RSRC1: variants seen among roughly 807,000 people sequenced by gnomAD.
RSRC1 encodes serine/Arginine-related protein 53.
In RSRC1, 39 loss-of-function variants were observed where a neutral mutation model predicts 49.1. The observed-to-expected ratio is 0.79, with a 90% CI of 0.61 to 1.04. The LOEUF (loss-of-function observed/expected upper bound fraction) is 1.04. RSRC1 is among the 50% of genes least tolerant of loss of function. The probability of loss-of-function intolerance (pLI) is 0.00; values close to 1 mark genes in which losing one functional copy is unlikely to be tolerated. For missense variants in RSRC1, 388 were observed against 402.4 expected (o/e 0.96, Z 0.31); for synonymous variants, 143 against 130.8 (o/e 1.09, Z -0.63).
chr3:158,193,412 T>G (rs1009070144), intron 3 of RSRC1, among the ~76,000 whole-genome samples: 15 of 152,118 alleles, frequency 9.9e-5, no homozygotes, highest in South Asian at 6.2e-4. Flanking sequence ...GAGCTTTTAT[T>G]AGAGATTTAG....
At chr3:158,353,995 C>CTTTTTTTTTTT (rs1230649090) in intron 5 of RSRC1, among the ~76,000 whole-genome samples, 27 of 96,302 alleles carry the variant, frequency 2.8e-4, no homozygotes, top group African/African-American at 5.4e-4. Context: ...GTTTCTTTTT[C>CTTTTTTTTTTT]TTTTTTTTTT....
In RSRC1 at chr3:158,274,675, A is replaced by G. The variant is rs1415908820; in HGVS notation, c.495-23364A>G. Among the ~76,000 whole-genome samples, 4 of 152,196 alleles carry G rather than the reference A, an allele frequency of 2.6e-5. No individual in the cohort carries two copies. In the East Asian group the frequency reaches 7.7e-4, roughly 29 times the overall value. On this transcript the variant is annotated intron_variant, in intron 4 of 9. Coordinates refer to ENST00000611884, the MANE Select transcript of RSRC1 (RefSeq NM_001271838.2). ...CTTTACACTCAAACTCAACCTGGAA[A>G]ACAGTAGCCTAGTCTCCTGGAAGCC... is the stretch of plus-strand genomic sequence containing the variant.
chr3:158,543,189 C>G, intron 8 of RSRC1, 146 bp from the exon 9 acceptor site: 2 of 494,222 alleles, frequency 4.0e-6, no homozygotes, highest in Non-Finnish European at 6.7e-6. Context: ...CTAAAACAAA[C>G]AAATACAAAA....
At chr3:158,361,944 A>G (rs1448925240) in intron 6 of RSRC1, among the ~76,000 whole-genome samples, 1 of 152,040 alleles carries the variant, frequency 6.6e-6, no homozygotes, top group East Asian at 1.9e-4. Flanking sequence ...TTTGCACACC[A>G]TTTATATTGA....
chr3:158,154,756 C>G (rs1415688173), intron 3 of RSRC1, among the ~76,000 whole-genome samples: 1 of 152,170 alleles, frequency 6.6e-6, no homozygotes, highest in Non-Finnish European at 1.5e-5. Flanking sequence ...GCCACTGCGC[C>G]CGGCCAGAAC....
chr3:158,374,352 G>A (rs1173067997), intron 6 of RSRC1, among the ~76,000 whole-genome samples: 1 of 152,126 alleles, frequency 6.6e-6, no homozygotes, highest in Non-Finnish European at 1.5e-5. Flanking sequence ...AGGAACAGAG[G>A]TATAGAGTGA....
At chr3:158,290,991 C>G (rs939167800) in intron 4 of RSRC1, among the ~76,000 whole-genome samples, 10 of 152,038 alleles carry the variant, frequency 6.6e-5, no homozygotes, top group African/African-American at 1.7e-4. Context: ...TCTAGAAGTT[C>G]AAGACCAACT....
intron 3 of RSRC1, among the ~76,000 whole-genome samples, chr3:158,139,417 A>G (rs1046345443): frequency 1.3e-5 from 2 of 151,286 alleles, no homozygotes; most frequent in South Asian, 2.1e-4. Flanking sequence ...AAAAAAAAAA[A>G]TTTTATTTTA....
intron 7 of RSRC1, among the ~76,000 whole-genome samples, chr3:158,508,822 GA>G (rs1381469415): frequency 6.6e-6 from 1 of 152,050 alleles, no homozygotes; most frequent in Non-Finnish European, 1.5e-5. Context: ...TCACAAGAAG[GA>G]TGTACAATAA....
chr3:158,388,021 C>G (rs930202622), intron 6 of RSRC1, among the ~76,000 whole-genome samples: 22 of 151,908 alleles, frequency 1.4e-4, no homozygotes, highest in Admixed American at 9.2e-4. Flanking sequence ...CTGGAAGTGT[C>G]AAATAAGTAT....
intron 4 of RSRC1, among the ~76,000 whole-genome samples, chr3:158,255,666 T>C (rs1307015659): frequency 6.6e-6 from 1 of 152,210 alleles, no homozygotes; most frequent in African/African-American, 2.4e-5. Context: ...AGTATGGCCA[T>C]TTTGATTCTT....
At chr3:158,176,358 A>G (rs964062148) in intron 3 of RSRC1, among the ~76,000 whole-genome samples, 2 of 152,188 alleles carry the variant, frequency 1.3e-5, no homozygotes, top group African/African-American at 2.4e-5. Flanking sequence ...ATCATAAGCA[A>G]AAAGAATAAA....
intron 1 of RSRC1, among the ~76,000 whole-genome samples, chr3:158,120,725 A>T (rs1715198468): frequency 6.7e-6 from 1 of 148,418 alleles, no homozygotes; most frequent in African/African-American, 2.4e-5. Context: ...AAGTCATGGT[A>T]AAAACTGCAA....
chr3:158,517,191 A>AC (rs35285903), intron 7 of RSRC1, among the ~76,000 whole-genome samples: 90,440 of 152,004 alleles, frequency 0.59, 27,648 homozygotes, highest in African/African-American at 0.73. Flanking sequence ...TTTTACAATT[A>AC]ATTTTCTGTT....
chr3:158,433,520 G>A (rs981673375), intron 6 of RSRC1, among the ~76,000 whole-genome samples: 1 of 151,912 alleles, frequency 6.6e-6, no homozygotes. Flanking sequence ...TTGGCCAAAG[G>A]CTACTGCTCT....
intron 3 of RSRC1, among the ~76,000 whole-genome samples, chr3:158,156,183 T>G (rs1179789676): frequency 6.6e-6 from 1 of 152,232 alleles, no homozygotes; most frequent in African/African-American, 2.4e-5. Flanking sequence ...CTTCACCTTG[T>G]ACTTTAATGT....
intron 6 of RSRC1, among the ~76,000 whole-genome samples, chr3:158,399,300 G>T (rs1733782126): frequency 1.3e-5 from 1 of 78,920 alleles, no homozygotes; most frequent in South Asian, 5.6e-4. Flanking sequence ...GACTACAGGC[G>T]CCCGCCACTA....
intron 7 of RSRC1, among the ~76,000 whole-genome samples, chr3:158,524,064 C>A (rs1711861208): frequency 6.6e-6 from 1 of 152,072 alleles, no homozygotes; most frequent in African/African-American, 2.4e-5. Flanking sequence ...TGTTTCACCT[C>A]TGTTACAATT....
At chr3:158,241,029 A>G (rs926372531) in intron 4 of RSRC1, among the ~76,000 whole-genome samples, 8 of 152,224 alleles carry the variant, frequency 5.3e-5, no homozygotes, top group Non-Finnish European at 1.0e-4. Flanking sequence ...TGTATAAACT[A>G]AACTTTATCA....
Sources: gnomAD v4.1 joint callset for allele counts (sites outside exome capture counted in the v4.1 genomes callset) on GRCh38, gnomAD v4.1.1 for gene constraint, MANE v1.5 for transcripts, NCBI Gene and HGNC (gene_info 2026-07-23, HGNC 2026-07-21) for gene names.